The following KDM4C variants were observed in gnomAD, a reference collection of about 807,000 sequenced individuals.
KDM4C encodes the protein lysine demethylase 4C.
Under a neutral mutation model 129.3 loss-of-function variants are expected in KDM4C, and 81 were observed. That is an observed-to-expected ratio of 0.63 (90% CI 0.52 to 0.75). The LOEUF (loss-of-function observed/expected upper bound fraction) is 0.75, where lower values mean the gene tolerates loss of function less well. Among genes scored for constraint, KDM4C ranks in the 30% least tolerant of loss-of-function variants. The pLI, the probability that KDM4C is intolerant of heterozygous loss-of-function variation, is 0.00. For missense variants in KDM4C, 1,457 were observed against 1,304.0 expected, an observed-to-expected ratio of 1.12 and a Z score of -1.81; for synonymous variants, 573 against 456.1, an observed-to-expected ratio of 1.26 and a Z score of -3.26.
intron 19 of KDM4C, among the ~76,000 whole-genome samples, chr9:7,136,464 C>T (rs1302162656): frequency 1.3e-5 from 2 of 152,202 alleles, no homozygotes; most frequent in Admixed American, 6.5e-5. Context: ...TTTGAGGTTA[C>T]AGTTTCTTCA....
At chr9:7,106,529 C>T (rs1837706720) in intron 18 of KDM4C, among the ~76,000 whole-genome samples, 1 of 152,142 alleles carries the variant, frequency 6.6e-6, no homozygotes, top group Non-Finnish European at 1.5e-5. Flanking sequence ...TCAATAGAGT[C>T]TCCATTTTTA....
intron 15 of KDM4C, among the ~76,000 whole-genome samples, chr9:7,033,016 T>G (rs965887981): frequency 6.6e-5 from 10 of 152,148 alleles, no homozygotes; most frequent in Admixed American, 2.0e-4. Flanking sequence ...AGCATTGGCA[T>G]TTTTCTTTTT....
chr9:6,856,919 G>T (rs910481461), intron 5 of KDM4C, among the ~76,000 whole-genome samples: 1 of 151,832 alleles, frequency 6.6e-6, no homozygotes, highest in Non-Finnish European at 1.5e-5. Flanking sequence ...CACCGCGCCC[G>T]GCTAATTTTT....
chr9:6,977,351 G>A lies in KDM4C; in HGVS notation c.922-3574G>A, dbSNP rs561248912. On this transcript the variant is annotated intron_variant, in intron 8 of 21. Coordinates refer to ENST00000381309, the MANE Select transcript of KDM4C (RefSeq NM_015061.6). ...CTTTAGGTTATAATATGATATGTTC[G>A]AAATTCACTAGAGTTTTATTTTATG... Among the ~76,000 whole-genome samples, 7 of 152,034 alleles carry A rather than the reference G, an allele frequency of 4.6e-5. No individual in the cohort carries two copies. The East Asian group carries it at 9.7e-4, about 21-fold the overall frequency.
chr9:6,862,934 A>G (rs1216483097), intron 5 of KDM4C, among the ~76,000 whole-genome samples: 4 of 152,226 alleles, frequency 2.6e-5, no homozygotes, highest in African/African-American at 7.2e-5. Context: ...GCCAATTTTT[A>G]TGGACCCCTT....
intron 17 of KDM4C, among the ~76,000 whole-genome samples, chr9:7,102,053 C>G (rs751594527): frequency 7.2e-5 from 11 of 152,112 alleles, no homozygotes; most frequent in Non-Finnish European, 1.5e-4. Context: ...AAATAATGCT[C>G]TTAGGCAGAT....
intron 17 of KDM4C, among the ~76,000 whole-genome samples, chr9:7,065,173 C>T (rs989977509): frequency 3.9e-5 from 6 of 152,112 alleles, no homozygotes; most frequent in South Asian, 2.1e-4. Flanking sequence ...GAGTTTATTT[C>T]GGAATCCCTT....
intron 1 of KDM4C, among the ~76,000 whole-genome samples, chr9:6,725,022 G>A (rs1381856583): frequency 6.6e-6 from 1 of 152,050 alleles, no homozygotes; most frequent in African/African-American, 2.4e-5. Flanking sequence ...AGTTTCTAGA[G>A]GCTCTCCTCA....
intron 7 of KDM4C, among the ~76,000 whole-genome samples, chr9:6,891,296 A>T (rs904329767): frequency 3.3e-5 from 5 of 152,240 alleles, no homozygotes; most frequent in Admixed American, 2.6e-4. Context: ...CAAGTGTGAT[A>T]TATTTTATGT....
upstream of KDM4C, among the ~76,000 whole-genome samples, chr9:6,753,788 C>A (rs756289314): frequency 1.3e-5 from 2 of 150,964 alleles, no homozygotes; most frequent in Non-Finnish European, 2.9e-5. Flanking sequence ...AATCATCTCT[C>A]ATTATTCCTG....
At chr9:6,752,071 C>CA in intron 1 of KDM4C, among the ~76,000 whole-genome samples, 4 of 150,606 alleles carry the variant, frequency 2.7e-5, no homozygotes, top group African/African-American at 1.0e-4. Context: ...CGGTGGCTCA[C>CA]GCCTGTAATC....
intron 1 of KDM4C, among the ~76,000 whole-genome samples, chr9:6,787,650 C>T (rs1678100863): frequency 6.6e-6 from 1 of 152,214 alleles, no homozygotes; most frequent in African/African-American, 2.4e-5. Context: ...TTCCCTCTGC[C>T]CATCATGGTC....
intron 5 of KDM4C, among the ~76,000 whole-genome samples, chr9:6,854,931 G>A (rs1588710539): frequency 1.3e-5 from 2 of 152,194 alleles, no homozygotes; most frequent in Admixed American, 1.3e-4. Context: ...TAACCTCCAT[G>A]CCTCAATTTT....
intron 8 of KDM4C, among the ~76,000 whole-genome samples, chr9:6,969,185 G>C (rs4742278): frequency 0.33 from 50,471 of 152,054 alleles, 9,279 homozygotes; most frequent in East Asian, 0.72. Flanking sequence ...ATCTGCCTGC[G>C]TCTGCCTCCC....
At chr9:6,775,901 C>T (rs141397883) in intron 1 of KDM4C, among the ~76,000 whole-genome samples, 93 of 152,298 alleles carry the variant, frequency 6.1e-4, no homozygotes, top group Middle Eastern at 3.4e-3. Context: ...TTATGTTTAA[C>T]AGCATCTACC....
intron 19 of KDM4C, among the ~76,000 whole-genome samples, chr9:7,137,698 A>C (rs1019979004): frequency 3.3e-5 from 5 of 152,228 alleles, no homozygotes; most frequent in Non-Finnish European, 7.3e-5. Context: ...GGCGAATGGC[A>C]AGAGCTTCCT....
intron 8 of KDM4C, among the ~76,000 whole-genome samples, chr9:6,942,090 G>A (rs1259729048): frequency 4.6e-5 from 7 of 152,088 alleles, no homozygotes; most frequent in African/African-American, 9.7e-5. Flanking sequence ...TTGGTAGAGC[G>A]TATACTTTCA....
At chr9:7,077,900 C>G (rs946101618) in intron 17 of KDM4C, among the ~76,000 whole-genome samples, 1 of 152,172 alleles carries the variant, frequency 6.6e-6, no homozygotes, top group Non-Finnish European at 1.5e-5. Flanking sequence ...TTGGGTTTCT[C>G]AGGTGTTTTG....
intron 8 of KDM4C, among the ~76,000 whole-genome samples, chr9:6,911,156 A>C (rs931613063): frequency 1.3e-5 from 2 of 152,212 alleles, no homozygotes; most frequent in African/African-American, 4.8e-5. Flanking sequence ...GGCTTAAATT[A>C]CTTAATTTAC....
Sources: allele counts gnomAD v4.1 joint callset (sites outside exome capture counted in the v4.1 genomes callset), GRCh38; gene constraint gnomAD v4.1.1; transcripts MANE v1.5; gene names NCBI Gene and HGNC (gene_info 2026-07-23, HGNC 2026-07-21).